The following SH3PXD2A variants were observed in gnomAD, a reference collection of about 807,000 sequenced individuals.
The protein encoded by SH3PXD2A is SH3 and PX domains 2A.
In SH3PXD2A, 32 loss-of-function variants were observed where a neutral mutation model predicts 115.2. The observed-to-expected ratio is 0.28, with a 90% CI of 0.21 to 0.37. The LOEUF (loss-of-function observed/expected upper bound fraction) is 0.37, where lower values mean the gene tolerates loss of function less well. Ranked by LOEUF, SH3PXD2A falls within the 10% of genes least tolerant of loss-of-function variation. The pLI is 1.00. For synonymous variants in SH3PXD2A, 610 were observed against 629.1 expected (o/e 0.97, Z 0.45); for missense variants, 1,328 against 1,498.7 (o/e 0.89, Z 1.88).
chr10:103,602,500 G>C lies in SH3PXD2A; in HGVS notation c.2718C>G (p.Gly906=), dbSNP rs2036233262. The C allele has an allele frequency of 3.1e-6, 5 of 1,614,148 alleles. No individual in the cohort carries two copies. The highest frequency in any genetic ancestry group is 3.4e-6 in the Non-Finnish European group (4 of 1,180,020). ...TGGCGGGCACTGTGTCCAGCTCTTT[G>C]CCAGAGGGGTCAGGTTGCTCGTTCT... ...LDENEQPDPS[G]KELDTVPAKG... is the part of the protein sequence containing the mutation. The change falls in exon 15 of 15, where the codon GGC becomes GGG. Residue 906 remains glycine (G), a synonymous_variant. Coordinates refer to ENST00000369774, the MANE Select transcript of SH3PXD2A (RefSeq NM_001394015.1).
intron 1 of SH3PXD2A, among the ~76,000 whole-genome samples, chr10:103,846,749 C>A (rs988906861): frequency 6.6e-6 from 1 of 152,210 alleles, no homozygotes; most frequent in Non-Finnish European, 1.5e-5. Flanking sequence ...GAGGAGCCAA[C>A]CAACTAGGCC....
chr10:103,748,188 C>T (rs1379442995), intron 3 of SH3PXD2A, among the ~76,000 whole-genome samples: 4 of 152,200 alleles, frequency 2.6e-5, no homozygotes, highest in Non-Finnish European at 2.9e-5. Context: ...GAGCTACATA[C>T]TGGGTGCTGT....
In SH3PXD2A at chr10:103,768,420, C is replaced by T. The variant is rs1046720354; in HGVS notation, c.154-1251G>A. On this transcript the variant is annotated intron_variant, in intron 2 of 14. Transcript: ENST00000369774. ...GAACGTTTCAGGCAGGGAAGCAGGA[C>T]GTGCAAAAAGAGCCTGGCAAGGCCG... Among the ~76,000 whole-genome samples, 6 of 152,090 alleles carry T rather than the reference C, an allele frequency of 3.9e-5. No individual in the cohort carries two copies. The East Asian group carries it at 7.7e-4, about 19-fold the overall frequency.
intron 3 of SH3PXD2A, among the ~76,000 whole-genome samples, chr10:103,758,050 T>C (rs2038662228): frequency 6.6e-6 from 1 of 152,210 alleles, no homozygotes. Context: ...CTGCTTGCGA[T>C]GTCACCAAAC....
intron 5 of SH3PXD2A, among the ~76,000 whole-genome samples, chr10:103,708,804 G>T (rs955700356): frequency 6.6e-6 from 1 of 152,106 alleles, no homozygotes; most frequent in Non-Finnish European, 1.5e-5. Flanking sequence ...TGCCTATTAA[G>T]ATCCTCGTGG....
chr10:103,777,271 G>A (rs1221620104), intron 2 of SH3PXD2A, among the ~76,000 whole-genome samples: 1 of 152,266 alleles, frequency 6.6e-6, no homozygotes, highest in Non-Finnish European at 1.5e-5. Context: ...ATGACACCAG[G>A]CTGCGTCCCT....
At position 103,836,705 on chromosome 10, in the gene SH3PXD2A, A is replaced by ACACACACACC. The variant is rs748978297; in HGVS notation, c.72+18489_72+18490insGGTGTGTGTG. Among the ~76,000 whole-genome samples the ACACACACACC allele has an allele frequency of 7.4e-4, 110 of 149,580 alleles. 2 individuals carry two copies. The East Asian group carries it at 0.014, about 19-fold the overall frequency. On this transcript the variant is annotated intron_variant, in intron 1 of 14. Transcript: ENST00000369774. ...TGTACACACACACACACACACACACACCCCTTCTTTTCTCCCTTTGTTTTC... is the reference window on the plus strand; with the variant it reads ...TGTACACACACACACACACACACACACACACACACCCCCCTTCTTTTCTCCCTTTGTTTTC...
intron 2 of SH3PXD2A, among the ~76,000 whole-genome samples, chr10:103,769,173 T>TGCGCGCGC (rs1294417647): frequency 9.6e-6 from 1 of 104,486 alleles, no homozygotes; most frequent in African/African-American, 4.8e-5. Flanking sequence ...TGTGTGTGTG[T>TGCGCGCGC]GTGTGTGTGC....
rs182373666 is a variant in SH3PXD2A, at chr10:103,806,306, C to G, written c.73-4944G>C. On this transcript the variant is annotated intron_variant, in intron 1 of 14. Transcript: ENST00000369774. ...ATACGAGGACAATCTCCAGACCCCT[C>G]TCTCTCGTCTGCTTTCTTCCAAACC... is the stretch of plus-strand genomic sequence containing the variant. Among the ~76,000 whole-genome samples the G allele has an allele frequency of 1.8e-3, 280 of 152,252 alleles. 2 individuals carry two copies. Among genetic ancestry groups the G allele is most frequent in the African/African-American group, 6.4e-3 (264 of 41,538 alleles).
intron 1 of SH3PXD2A, among the ~76,000 whole-genome samples, chr10:103,829,865 C>T (rs1311459945): frequency 1.3e-5 from 2 of 152,266 alleles, no homozygotes; most frequent in African/African-American, 4.8e-5. Flanking sequence ...GATTCTTTTA[C>T]ATATAATTAT....
intron 1 of SH3PXD2A, among the ~76,000 whole-genome samples, chr10:103,802,860 C>G (rs935591525): frequency 6.6e-6 from 1 of 152,156 alleles, no homozygotes; most frequent in African/African-American, 2.4e-5. Context: ...TGCCTAGTCA[C>G]TGTGTCCTGT....
intron 8 of SH3PXD2A, among the ~76,000 whole-genome samples, chr10:103,632,032 T>C (rs1202867840): frequency 6.6e-6 from 1 of 152,022 alleles, no homozygotes; most frequent in Non-Finnish European, 1.5e-5. Context: ...CCCTAGGTGG[T>C]GGTATGTGTC....
chr10:103,753,317 CAAAAAAAAAAAAA>C (rs60364879), intron 3 of SH3PXD2A, among the ~76,000 whole-genome samples: 8 of 62,856 alleles, frequency 1.3e-4, no homozygotes, highest in Admixed American at 4.5e-4. Context: ...CTGCCTCTAC[CAAAAAAAAAAAAA>C]AAAAAAAAAA....
chr10:103,748,975 C>CA (rs1554919116), intron 3 of SH3PXD2A, among the ~76,000 whole-genome samples: 3,593 of 146,888 alleles, frequency 0.024, 138 homozygotes, highest in African/African-American at 0.083. Flanking sequence ...TTTCTTCTTT[C>CA]TTTTTTTTTT....
intron 5 of SH3PXD2A, among the ~76,000 whole-genome samples, chr10:103,704,214 G>A (rs1014099730): frequency 5.3e-5 from 8 of 152,186 alleles, no homozygotes; most frequent in Admixed American, 2.6e-4. Flanking sequence ...GACAGAATGG[G>A]CTTGGCCAAA....
chr10:103,783,381 T>C (rs1321709066), intron 2 of SH3PXD2A, among the ~76,000 whole-genome samples: 3 of 152,114 alleles, frequency 2.0e-5, no homozygotes, highest in Admixed American at 2.0e-4. Context: ...GGTGACAGGT[T>C]GATGCGGGGC....
At chr10:103,734,828 C>T (rs1564876141) in intron 4 of SH3PXD2A, among the ~76,000 whole-genome samples, 1 of 152,140 alleles carries the variant, frequency 6.6e-6, no homozygotes, top group Non-Finnish European at 1.5e-5. Context: ...AAATTGTTTG[C>T]CCTTTGTAAA....
intron 1 of SH3PXD2A, among the ~76,000 whole-genome samples, 199 bp downstream of exon 1, chr10:103,854,996 G>C (rs762032): frequency 6.6e-6 from 1 of 151,766 alleles, no homozygotes; most frequent in Non-Finnish European, 1.5e-5. Flanking sequence ...AAAAGAAACC[G>C]GGGGGGCGGG....
At chr10:103,634,780 C>T (rs149544758) in intron 8 of SH3PXD2A, among the ~76,000 whole-genome samples, 2 of 152,104 alleles carry the variant, frequency 1.3e-5, no homozygotes, top group Non-Finnish European at 2.9e-5. Context: ...CAGAAAGACT[C>T]GAAGTCAGGT....
Sources: allele counts gnomAD v4.1 joint callset (sites outside exome capture counted in the v4.1 genomes callset), GRCh38; gene constraint gnomAD v4.1.1; transcripts MANE v1.5; gene names NCBI Gene and HGNC (gene_info 2026-07-23, HGNC 2026-07-21).